Variants in NAP1L1 observed in about 807,000 individuals in gnomAD.
NAP1L1 encodes the protein nucleosome assembly protein 1-like 1.
A neutral mutation model predicts 58.9 loss-of-function variants in NAP1L1; 9 were observed. That is an observed-to-expected ratio of 0.15 (90% CI 0.09 to 0.27). NAP1L1 has a LOEUF of 0.27. NAP1L1 is among the 10% of genes least tolerant of loss of function. The probability of loss-of-function intolerance (pLI) is 1.00; values close to 1 mark genes in which losing one functional copy is unlikely to be tolerated. For synonymous variants in NAP1L1, 130 were observed against 138.3 expected (o/e 0.94, Z 0.42); for missense variants, 302 against 458.8 (o/e 0.66, Z 3.12).
chr12:76,051,145 C>T (rs1341951868), intron 11 of NAP1L1, among the ~76,000 whole-genome samples: 4 of 151,744 alleles, frequency 2.6e-5, no homozygotes. Context: ...TCCTTAATAA[C>T]TTTTCCAAGT....
chr12:76,050,409 G>A, intron 12 of NAP1L1, 122 bp downstream of exon 12: 4 of 1,240,698 alleles, frequency 3.2e-6, no homozygotes, highest in Admixed American at 2.8e-5. Flanking sequence ...CAGAACATCA[G>A]TAATTAGCCT....
chr12:76,060,071 G>T, intron 5 of NAP1L1, 67 bp downstream of exon 5: 2 of 1,516,926 alleles, frequency 1.3e-6, no homozygotes, highest in Non-Finnish European at 1.8e-6. Context: ...CCTCTTCCAA[G>T]TCTGCTTATG....
chr12:76,048,384 G>A lies in NAP1L1; in HGVS notation c.*45C>T, dbSNP rs1309795219. 1 of 1,602,972 alleles carries A rather than the reference G, an allele frequency of 6.2e-7. No homozygotes were observed. The highest frequency in any genetic ancestry group is 2.2e-5 in the East Asian group (1 of 44,776). ...TGTAAGTAAATAAGAGTTGTGTTTAGGCTATTACAGTGCAGGTTATCCTCA... is the reference window on the plus strand; with the variant it reads ...TGTAAGTAAATAAGAGTTGTGTTTAAGCTATTACAGTGCAGGTTATCCTCA... On this transcript the variant is annotated 3_prime_UTR_variant, in exon 15 of 15. Coordinates refer to ENST00000618691, the MANE Select transcript of NAP1L1 (RefSeq NM_004537.7).
At chr12:76,076,550 AT>A (rs1470521667) in intron 1 of NAP1L1, among the ~76,000 whole-genome samples, 4 of 1,254 alleles carry the variant, frequency 3.2e-3, no homozygotes, top group Admixed American at 0.01. Flanking sequence ...GGATATGGAA[AT>A]ATATATATAT....
rs1208755120 is a variant in NAP1L1 at position 76,038,703 on chromosome 12, T to C, written c.*9726A>G. On this transcript the variant is annotated 3_prime_UTR_variant, in exon 15 of 15. Transcript: ENST00000618691. ...GACTCAGAAAGGTGGAATAACACTT[T>C]TACAAGAAGATAAAACCCAGGAAAT... is the stretch of plus-strand genomic sequence containing the variant. 1 of 152,150 alleles carries C rather than the reference T, an allele frequency of 6.6e-6. No homozygotes were observed. Among genetic ancestry groups the C allele is most frequent in the African/African-American group, 2.4e-5 (1 of 41,428 alleles). 9.4% of individuals were successfully genotyped at this position (152,150 alleles called of 1,614,324 possible). A position where few individuals can be genotyped will look rare whatever the true frequency, so the allele number is the denominator to read the frequency against.
rs1312919914 is a variant in NAP1L1, at chr12:76,047,102, T to A, written c.*1327A>T. On this transcript the variant is annotated 3_prime_UTR_variant, in exon 15 of 15. Coordinates refer to ENST00000618691, the MANE Select transcript of NAP1L1 (RefSeq NM_004537.7). ...GTTTTCCAGTTTAGTTATCAAAGCGTGGTGTGAACAAAATGCTTAGTGTCA... is the reference window on the plus strand; with the variant it reads ...GTTTTCCAGTTTAGTTATCAAAGCGAGGTGTGAACAAAATGCTTAGTGTCA... 1 of 152,468 alleles carries A rather than the reference T, an allele frequency of 6.6e-6. No homozygotes were observed. The highest frequency in any genetic ancestry group is 1.5e-5 in the Non-Finnish European group (1 of 67,908). The allele number at this position is 152,468 out of a possible 1,614,324, so 9.4% of individuals were successfully genotyped here. A position where few individuals can be genotyped will look rare whatever the true frequency, so the allele number is the denominator to read the frequency against.
rs1231885064 is a variant in NAP1L1, at chr12:76,045,472, T to A, written c.*2957A>T. Reference sequence around the variant, plus strand: ...TTCAGTTATTTTAGGGGCCTTACCATATCATTAACCTATTCACACAACAAA... The same window carrying A: ...TTCAGTTATTTTAGGGGCCTTACCAAATCATTAACCTATTCACACAACAAA... On this transcript the variant is annotated 3_prime_UTR_variant, in exon 15 of 15. Transcript: ENST00000618691. 1 of 152,110 alleles carries A rather than the reference T, an allele frequency of 6.6e-6. No homozygotes were observed. The highest frequency in any genetic ancestry group is 2.4e-5 in the African/African-American group (1 of 41,460). 9.4% of individuals were successfully genotyped at this position (152,110 alleles called of 1,614,324 possible).
In NAP1L1 at chr12:76,050,848, C is replaced by T. The variant is rs527831452; in HGVS notation, c.937-195G>A. On this transcript the variant is annotated intron_variant, in intron 11 of 14. Coordinates refer to ENST00000618691, the MANE Select transcript of NAP1L1 (RefSeq NM_004537.7). Reference sequence around the variant, plus strand: ...AAGCAACATAGTGAGACGCCCCCTGCGTTTGTACAAAAAATAAACAATTAA... The same window carrying T: ...AAGCAACATAGTGAGACGCCCCCTGTGTTTGTACAAAAAATAAACAATTAA... 2.6e-5 allele frequency among the ~76,000 whole-genome samples: 4 copies of T among 151,918 alleles called. No homozygotes were observed. In the South Asian group the frequency reaches 6.2e-4, roughly 24 times the overall value.
intron 2 of NAP1L1, among the ~76,000 whole-genome samples, chr12:76,072,776 C>T (rs1950015937): frequency 6.6e-6 from 1 of 152,100 alleles, no homozygotes; most frequent in Non-Finnish European, 1.5e-5. Flanking sequence ...TGGAGCAATG[C>T]CTTCAAAATT....
At chr12:76,067,815 G>C (rs1019187524) in intron 3 of NAP1L1, among the ~76,000 whole-genome samples, 5 of 152,116 alleles carry the variant, frequency 3.3e-5, no homozygotes, top group African/African-American at 1.2e-4. Flanking sequence ...TATGACTCTT[G>C]ACAGTCCTCT....
chr12:76,053,348 C>A lies in NAP1L1; in HGVS notation c.773G>T (p.Cys258Phe), dbSNP rs748296565. The change falls in exon 10 of 15, where the codon TGC becomes TTC. Residue 258 changes from cysteine to phenylalanine, a missense_variant and splice_region_variant. Cys to Phe is a radical substitution (Grantham distance 205). Coordinates refer to ENST00000618691, the MANE Select transcript of NAP1L1 (RefSeq NM_004537.7). ...DGPEIMGCTG[C>F]QIDWKKGKNV... ...CTTTCCTTTTTTCCAATCTATCTGGCACCTTGCAAAACAAAGAAGAAAAAT... is the reference window on the plus strand; with the variant it reads ...CTTTCCTTTTTTCCAATCTATCTGGAACCTTGCAAAACAAAGAAGAAAAAT... The A allele has an allele frequency of 6.2e-7, 1 of 1,607,394 alleles. No homozygotes were observed. Among genetic ancestry groups the A allele is most frequent in the Non-Finnish European group, 8.5e-7 (1 of 1,178,232 alleles).
chr12:76,064,151 T>C (rs1224081349), intron 4 of NAP1L1, among the ~76,000 whole-genome samples: 2 of 152,136 alleles, frequency 1.3e-5, no homozygotes, highest in Admixed American at 1.3e-4. Context: ...TCATAAAAGC[T>C]GGGGGTTATT....
intron 2 of NAP1L1, among the ~76,000 whole-genome samples, chr12:76,070,384 A>G (rs970448270): frequency 6.6e-6 from 1 of 152,210 alleles, no homozygotes; most frequent in South Asian, 2.1e-4. Context: ...CTGGGATTAC[A>G]GGCATAAGCC....
chr12:76,070,876 T>A lies in NAP1L1; in HGVS notation c.18-1882A>T, dbSNP rs1592683223. ...TACCATATAAACGTTATGTAAATAG[T>A]TGTATTATGCTGGGCCAGACAAAGT... On this transcript the variant is annotated intron_variant, in intron 2 of 14. Transcript: ENST00000618691. Among the ~76,000 whole-genome samples, 3 of 152,276 alleles carry A rather than the reference T, an allele frequency of 2.0e-5. 1 individual carries two copies. The South Asian group carries it at 6.2e-4, about 32-fold the overall frequency.
At chr12:76,064,771 A>C (rs538595980) in intron 4 of NAP1L1, among the ~76,000 whole-genome samples, 40 of 152,090 alleles carry the variant, frequency 2.6e-4, no homozygotes, top group Non-Finnish European at 5.3e-4. Context: ...CTGATGAGAG[A>C]ACTTGAATAA....
chr12:76,073,535 T>G (rs1460394766), intron 2 of NAP1L1, among the ~76,000 whole-genome samples: 1 of 152,196 alleles, frequency 6.6e-6, no homozygotes, highest in Non-Finnish European at 1.5e-5. Context: ...GAGGCCAGAC[T>G]ATGACCCAGA....
At chr12:76,049,170 T>A (rs1377864414) in intron 14 of NAP1L1, 30 bp downstream of exon 14, 1 of 1,586,874 alleles carries the variant, frequency 6.3e-7, no homozygotes, top group Admixed American at 1.7e-5. Context: ...TATCTTAAAT[T>A]TAATAGAAAG....
At chr12:76,080,195 C>A (rs896350455) in intron 1 of NAP1L1, among the ~76,000 whole-genome samples, 3 of 152,158 alleles carry the variant, frequency 2.0e-5, no homozygotes, top group Admixed American at 6.5e-5. Context: ...TGAAACATTC[C>A]TATTGCCTAG....
chr12:76,070,644 A>G (rs1002626788), intron 2 of NAP1L1, among the ~76,000 whole-genome samples: 3 of 152,178 alleles, frequency 2.0e-5, no homozygotes, highest in African/African-American at 7.2e-5. Context: ...CACTACATTT[A>G]TGTATTGTCT....
Sources: allele counts gnomAD v4.1 joint callset (sites outside exome capture counted in the v4.1 genomes callset), GRCh38; gene constraint gnomAD v4.1.1; transcripts MANE v1.5; gene names NCBI Gene and HGNC (gene_info 2026-07-23, HGNC 2026-07-21).